The following SLC24A3 variants were observed in gnomAD, a reference collection of about 807,000 sequenced individuals.
The protein encoded by SLC24A3 is solute carrier family 24 member 3.
SLC24A3 carries 28 observed loss-of-function variants against 75.8 expected under a neutral mutation model. The observed-to-expected ratio is 0.37, with a 90% CI of 0.27 to 0.51. SLC24A3 has a LOEUF of 0.51. SLC24A3 is among the 20% of genes least tolerant of loss of function. The probability of loss-of-function intolerance (pLI) is 0.94; values close to 1 mark genes in which losing one functional copy is unlikely to be tolerated. For missense variants in SLC24A3, 663 were observed against 847.8 expected, an observed-to-expected ratio of 0.78 and a Z score of 2.71; for synonymous variants, 372 against 334.1, an observed-to-expected ratio of 1.11 and a Z score of -1.24.
chr20:19,488,173 C>T (rs1179578391), intron 2 of SLC24A3, among the ~76,000 whole-genome samples: 1 of 152,224 alleles, frequency 6.6e-6, no homozygotes, highest in Non-Finnish European at 1.5e-5. Flanking sequence ...ATTTTCCCCC[C>T]ATTGCAGCTA....
chr20:19,486,728 G>A (rs1165031244), intron 2 of SLC24A3, among the ~76,000 whole-genome samples: 3 of 152,156 alleles, frequency 2.0e-5, no homozygotes, highest in African/African-American at 7.2e-5. Context: ...TAATTTTAGG[G>A]ACTATAAGTA....
At chr20:19,471,451 G>A (rs918937786) in intron 2 of SLC24A3, among the ~76,000 whole-genome samples, 8 of 152,190 alleles carry the variant, frequency 5.3e-5, no homozygotes, top group African/African-American at 1.9e-4. Flanking sequence ...AAAGCCAGAT[G>A]CCGTCTCTGT....
At chr20:19,315,939 T>C (rs777021617) in intron 2 of SLC24A3, among the ~76,000 whole-genome samples, 13 of 152,206 alleles carry the variant, frequency 8.5e-5, no homozygotes, top group Admixed American at 4.6e-4. Flanking sequence ...TCAGAACACT[T>C]ACATTAGCTT....
intron 2 of SLC24A3, among the ~76,000 whole-genome samples, chr20:19,471,080 TG>T (rs1440710209): frequency 2.0e-5 from 3 of 152,178 alleles, no homozygotes; most frequent in Non-Finnish European, 4.4e-5. Flanking sequence ...AGAACATGTC[TG>T]GGGTTCTCAG....
chr20:19,344,298 T>C (rs1298304578), intron 2 of SLC24A3, among the ~76,000 whole-genome samples: 1 of 152,232 alleles, frequency 6.6e-6, no homozygotes, highest in African/African-American at 2.4e-5. Flanking sequence ...GCTGGGTTTC[T>C]AGTGGATATG....
At chr20:19,333,805 G>A (rs1177938496) in intron 2 of SLC24A3, among the ~76,000 whole-genome samples, 1 of 152,112 alleles carries the variant, frequency 6.6e-6, no homozygotes, top group Non-Finnish European at 1.5e-5. Flanking sequence ...CCTAGCCTCA[G>A]TGCCAGTAAA....
intron 2 of SLC24A3, among the ~76,000 whole-genome samples, chr20:19,380,319 T>G (rs1048360821): frequency 7.0e-6 from 1 of 142,514 alleles, no homozygotes; most frequent in Admixed American, 7.3e-5. Flanking sequence ...AAAAGGAGAG[T>G]GCGGTGTGAG....
rs1274749333 is a variant in SLC24A3 at position 19,425,760 on chromosome 20, T to C, written c.272-89728T>C. On this transcript the variant is annotated intron_variant, in intron 2 of 16. Coordinates refer to ENST00000328041, the MANE Select transcript of SLC24A3 (RefSeq NM_020689.4). ...ACCACACACTTCTTTAAATTATCAC[T>C]GTAGACTCCTGGGATTCATTTTTTT... Among the ~76,000 whole-genome samples the C allele has an allele frequency of 4.9e-5, 7 of 142,610 alleles. No homozygotes were observed. The East Asian group carries it at 1.7e-3, about 34-fold the overall frequency. The allele number at this position is 142,610 out of a possible 152,430, so 93.6% of individuals were successfully genotyped here. A position where few individuals can be genotyped will look rare whatever the true frequency, so the allele number is the denominator to read the frequency against.
chr20:19,488,138 G>A (rs984748712), intron 2 of SLC24A3, among the ~76,000 whole-genome samples: 1 of 152,174 alleles, frequency 6.6e-6, no homozygotes. Context: ...GCTGGGTAGC[G>A]CATTTTATTG....
chr20:19,292,932 T>C (rs1426321562), intron 2 of SLC24A3, among the ~76,000 whole-genome samples: 1 of 152,204 alleles, frequency 6.6e-6, no homozygotes, highest in Non-Finnish European at 1.5e-5. Flanking sequence ...AAGGGAGCCC[T>C]TTGGAGTCTC....
At chr20:19,483,644 GA>G (rs1374256819) in intron 2 of SLC24A3, among the ~76,000 whole-genome samples, 4 of 152,142 alleles carry the variant, frequency 2.6e-5, no homozygotes, top group Non-Finnish European at 5.9e-5. Flanking sequence ...CTGTGAACAG[GA>G]AAAAAGCTAC....
chr20:19,430,346 A>G (rs1987078953), intron 2 of SLC24A3, among the ~76,000 whole-genome samples: 2 of 152,176 alleles, frequency 1.3e-5, no homozygotes, highest in African/African-American at 4.8e-5. Context: ...CCGCTCAGGC[A>G]GGTGCAATCT....
intron 6 of SLC24A3, among the ~76,000 whole-genome samples, chr20:19,598,210 T>C (rs371778396): frequency 1.4e-4 from 22 of 152,118 alleles, no homozygotes; most frequent in African/African-American, 5.1e-4. Flanking sequence ...AGTAAGACAT[T>C]TGTGGCCTCC....
chr20:19,507,188 T>G (rs2078742133), intron 2 of SLC24A3, among the ~76,000 whole-genome samples: 1 of 152,250 alleles, frequency 6.6e-6, no homozygotes, highest in South Asian at 2.1e-4. Flanking sequence ...TTAAGTGATT[T>G]GTGTGCCAGG....
intron 3 of SLC24A3, among the ~76,000 whole-genome samples, chr20:19,534,550 A>G (rs889022170): frequency 1.3e-5 from 2 of 151,802 alleles, no homozygotes; most frequent in African/African-American, 2.4e-5. Flanking sequence ...AGCTGGGATT[A>G]CAGGCATGTA....
At chr20:19,482,883 C>G (rs554061942) in intron 2 of SLC24A3, among the ~76,000 whole-genome samples, 2 of 152,290 alleles carry the variant, frequency 1.3e-5, no homozygotes, top group Admixed American at 6.5e-5. Context: ...CCTGTGTGTG[C>G]TGAATTCAAT....
In SLC24A3 at chr20:19,456,719, C is replaced by T. The variant is rs1600237014; in HGVS notation, c.272-58769C>T. On this transcript the variant is annotated intron_variant, in intron 2 of 16. Transcript: ENST00000328041. ...CAATGGCTCAGACATCCACTGTCAA[C>T]TCATGAATCCCAAACCCTAGTCATT... Among the ~76,000 whole-genome samples the T allele has an allele frequency of 1.3e-5, 2 of 152,338 alleles. 1 individual carries two copies. Among genetic ancestry groups the T allele is most frequent in the South Asian group, 4.1e-4 (2 of 4,824 alleles).
intron 1 of SLC24A3, among the ~76,000 whole-genome samples, chr20:19,227,873 C>T (rs1238203191): frequency 6.6e-6 from 1 of 151,858 alleles, no homozygotes; most frequent in Non-Finnish European, 1.5e-5. Context: ...ATTTATAATC[C>T]TTTACATTTT....
chr20:19,643,685 G>T (rs1336236523), intron 6 of SLC24A3, among the ~76,000 whole-genome samples: 1 of 152,172 alleles, frequency 6.6e-6, no homozygotes, highest in East Asian at 1.9e-4. Flanking sequence ...CTTAAACTCA[G>T]ATGCATAGTC....
Sources: allele counts gnomAD v4.1 joint callset (sites outside exome capture counted in the v4.1 genomes callset), GRCh38; gene constraint gnomAD v4.1.1; transcripts MANE v1.5; gene names NCBI Gene and HGNC (gene_info 2026-07-23, HGNC 2026-07-21).